The following NACAD variants were observed in gnomAD, a reference collection of about 807,000 sequenced individuals.
NACAD encodes NAC-alpha domain-containing protein 1.
Under a neutral mutation model 98.9 loss-of-function variants are expected in NACAD, and 47 were observed. The ratio of observed to expected loss-of-function variants is 0.48; its 90% CI spans 0.38 to 0.61. The LOEUF is 0.61. Ranked by LOEUF, NACAD falls within the 20% of genes least tolerant of loss-of-function variation. NACAD has a pLI of 0.00. For missense variants in NACAD, 1,412 were observed against 1,748.2 expected, an observed-to-expected ratio of 0.81 and a Z score of 3.43; for synonymous variants, 696 against 767.2, an observed-to-expected ratio of 0.91 and a Z score of 1.53.
In NACAD at chr7:45,081,377, T is replaced by C. The variant is rs1305812591; in HGVS notation, c.4258-114A>G. The C allele has an allele frequency of 2.1e-6, 3 of 1,425,438 alleles. No homozygotes were observed. The South Asian group carries it at 4.2e-5, about 20-fold the overall frequency. 88.3% of individuals were successfully genotyped at this position (1,425,438 alleles called of 1,614,324 possible). On this transcript the variant is annotated intron_variant, in intron 4 of 7. Transcript: ENST00000490531. ...TCCACCGCCAACTTCCCCAAGACCT[T>C]GGGCTGGTGGTTGGTCCTTCCCCAT...
In NACAD at chr7:45,082,217, C is replaced by T. The variant is rs1784442030; in HGVS notation, c.3963G>A (p.Gln1321=). The change falls in exon 2 of 8, where the codon CAG becomes CAA. Residue 1321 remains glutamine (Q), a synonymous_variant. Transcript: ENST00000490531. This position sits in a 1 kb window ranked among gnomAD's most constrained non-coding sequence, Gnocchi z 4.5. ...GAGGCACTTGGCAAGGCGGCAAGAT[C>T]TGCAAGGCCAGGTCTTTGGCATCCA... ...ASMDAKDLAL[Q]ILPPCQVPPP... 6.5e-7 allele frequency: 1 copy of T among 1,541,750 alleles called. No individual in the cohort carries two copies. Among genetic ancestry groups the T allele is most frequent in the Non-Finnish European group, 8.8e-7 (1 of 1,141,432 alleles).
rs756278797 is a variant in NACAD at position 45,080,930 on chromosome 7, G to T, written c.4497C>A (p.Pro1499=). 1.3e-6 allele frequency: 2 copies of T among 1,553,672 alleles called. No homozygotes were observed. Reference sequence around the variant, plus strand: ...TGCACTCCAGCCTCACCCGGGGCCTGGGTGCTGACTCAGGGACCAAGGCTG... The same window carrying T: ...TGCACTCCAGCCTCACCCGGGGCCTTGGTGCTGACTCAGGGACCAAGGCTG... The part of the protein sequence containing the change: ...EPSALVPESA[P]RPRVRLECKE... Residue 1499 remains proline (P), a synonymous_variant, in exon 6 of 8, where the codon CCC becomes CCA. Coordinates refer to ENST00000490531, the MANE Select transcript of NACAD (RefSeq NM_001146334.2).
chr7:45,080,878 C>A lies in NACAD; in HGVS notation c.4549G>T (p.Glu1517Ter). Residue 1517 changes from glutamate to a stop codon, truncating the protein, a stop_gained and splice_region_variant, in exon 6 of 8, where the codon GAG becomes TAG. Coordinates refer to ENST00000490531, the MANE Select transcript of NACAD (RefSeq NM_001146334.2). LOFTEE classifies it high-confidence loss of function. ...GCCCTGGAGCCCCTGCACTTCACCT[C>A]TTCCTCCTCCTCCTCTTCCTCTTCC... ...CKEEEEEEEE[E>*]VDEAGLELRD... The A allele has an allele frequency of 6.4e-7, 1 of 1,556,798 alleles. No homozygotes were observed.
rs1378171261 is a variant in NACAD at position 45,082,167 on chromosome 7, G to A, written c.4013C>T (p.Ala1338Val). ...GGGGGCTGAGAGCCCTTGAGGGCCA[G>A]CTGGGCTCTGGGGCCCAGAGGGAGG... Reference protein sequence around the residue: ...VPPPSGPQSPAGPQGLSAPEQ... With the variant: ...VPPPSGPQSPVGPQGLSAPEQ... Residue 1338 changes from alanine to valine, a missense_variant, in exon 2 of 8, where the codon GCT becomes GTT. Ala to Val is a moderately conservative substitution (Grantham distance 64). This residue lies in a region of NACAD where 572 missense variants were observed against 639.6 expected (regional missense o/e 0.89). Transcript: ENST00000490531. The surrounding 1 kb of genome is among the most constrained non-coding windows in gnomAD (Gnocchi z 4.5). 1 of 1,508,622 alleles carries A rather than the reference G, an allele frequency of 6.6e-7. No homozygotes were observed. Among genetic ancestry groups the A allele is most frequent in the Non-Finnish European group, 8.9e-7 (1 of 1,126,230 alleles). The allele number at this position is 1,508,622 out of a possible 1,614,324, so 93.5% of individuals were successfully genotyped here.
chr7:45,086,542 A>G, intron 1 of NACAD, among the ~76,000 whole-genome samples: 1 of 152,180 alleles, frequency 6.6e-6, no homozygotes, highest in East Asian at 1.9e-4. Context: ...TGACCTCCCA[A>G]TAGATGCGCC....
rs528568580 is a variant in NACAD, at chr7:45,086,141, C to G, written c.68-29G>C. ...TGGAGATAGAGAAGATCATGAGGTG[C>G]CCCTGGATGCATCTCCCAGGCAAGG... is the stretch of plus-strand genomic sequence containing the variant. On this transcript the variant is annotated intron_variant, in intron 1 of 7. Transcript: ENST00000490531. The G allele has an allele frequency of 3.9e-6, 6 of 1,529,296 alleles. No individual in the cohort carries two copies. In the South Asian group the frequency reaches 7.2e-5, roughly 18 times the overall value. The allele number at this position is 1,529,296 out of a possible 1,614,324, so 94.7% of individuals were successfully genotyped here. A position where few individuals can be genotyped will look rare whatever the true frequency, so the allele number is the denominator to read the frequency against.
At chr7:45,086,534 A>G (rs1472188649) in intron 1 of NACAD, among the ~76,000 whole-genome samples, 1 of 152,010 alleles carries the variant, frequency 6.6e-6, no homozygotes, top group Non-Finnish European at 1.5e-5. Context: ...CCATCCCATG[A>G]CCTCCCAATA....
intron 1 of NACAD, 61 bp from the exon 2 acceptor site, chr7:45,086,173 C>A: frequency 2.7e-6 from 4 of 1,498,580 alleles, no homozygotes; most frequent in Admixed American, 2.1e-5. Flanking sequence ...AAGGGCCAGG[C>A]CCGGGGAGAT....
At chr7:45,081,285 G>T (rs1426661817) in intron 4 of NACAD, 22 bp from the exon 5 acceptor site, 2 of 1,549,880 alleles carry the variant, frequency 1.3e-6, no homozygotes, top group Non-Finnish European at 1.7e-6. Flanking sequence ...GGGCAGAGGG[G>T]GGCTCAGACC....
In NACAD at chr7:45,088,910, C is replaced by T; in HGVS notation, c.-16G>A. ...CCCCAGGCATGGCCTGGCCGTGCGC[C>T]CGCCCGTCCCTCAGTCCTTCCGACC... On this transcript the variant is annotated 5_prime_UTR_variant, in exon 1 of 8. Transcript: ENST00000490531. The surrounding 1 kb of genome is among the most constrained non-coding windows in gnomAD (Gnocchi z 5.7). The T allele has an allele frequency of 2.1e-6, 3 of 1,403,616 alleles. No homozygotes were observed. The highest frequency in any genetic ancestry group is 2.8e-6 in the Non-Finnish European group (3 of 1,079,070). The allele number at this position is 1,403,616 out of a possible 1,614,324, so 86.9% of individuals were successfully genotyped here. A position where few individuals can be genotyped will look rare whatever the true frequency, so the allele number is the denominator to read the frequency against.
At position 45,085,681 on chromosome 7, in the gene NACAD, G is replaced by A; in HGVS notation, c.499C>T (p.Pro167Ser). Residue 167 changes from proline (P) to serine (S), a missense_variant, in exon 2 of 8, where the codon CCC becomes TCC. Physicochemically the swap from Pro to Ser is moderately conservative, Grantham distance 74. Around this residue, in one of 5 missense-constraint regions of NACAD, gnomAD observed 638 missense variants for 722.7 expected, o/e 0.88. Coordinates refer to ENST00000490531, the MANE Select transcript of NACAD (RefSeq NM_001146334.2). This position sits in a 1 kb window ranked among gnomAD's most constrained non-coding sequence, Gnocchi z 6.1. Reference protein sequence around the residue: ...SQGDLSVPSPPPDPDSFFTPP... With the variant: ...SQGDLSVPSPSPDPDSFFTPP... ...GTGAAGAAGGAATCAGGGTCTGGGG[G>A]AGGGGAAGGCACAGAAAGATCACCC... 6.5e-7 allele frequency: 1 copy of A among 1,549,562 alleles called. No individual in the cohort carries two copies. Among genetic ancestry groups the A allele is most frequent in the South Asian group, 1.2e-5 (1 of 83,896 alleles).
chr7:45,085,698 A>G lies in NACAD; in HGVS notation c.482T>C (p.Leu161Pro). 1 of 1,549,872 alleles carries G rather than the reference A, an allele frequency of 6.5e-7. No homozygotes were observed. The highest frequency in any genetic ancestry group is 1.2e-5 in the South Asian group (1 of 83,954). ...PPPELCSQGD[L>P]SVPSPPPDPD... ...GTCTGGGGGAGGGGAAGGCACAGAA[A>G]GATCACCCTGAGAACACAGCTCGGG... Residue 161 changes from leucine (L) to proline (P), a missense_variant, in exon 2 of 8, where the codon CTT (leucine) becomes CCT (proline). Leu to Pro is a moderately conservative substitution (Grantham distance 98). Around this residue, in one of 5 missense-constraint regions of NACAD, gnomAD observed 638 missense variants for 722.7 expected, o/e 0.88. Coordinates refer to ENST00000490531, the MANE Select transcript of NACAD (RefSeq NM_001146334.2). This position sits in a 1 kb window ranked among gnomAD's most constrained non-coding sequence, Gnocchi z 6.1.
Position 45,082,491 on chromosome 7 carries a change from G to A in NACAD, c.3689C>T (p.Ser1230Phe). 6.5e-7 allele frequency: 1 copy of A among 1,549,662 alleles called. No individual in the cohort carries two copies. Residue 1230 changes from serine (S) to phenylalanine (F), a missense_variant, in exon 2 of 8, where the codon TCT becomes TTT. Around this residue, in one of 5 missense-constraint regions of NACAD, gnomAD observed 572 missense variants for 639.6 expected, o/e 0.89. Coordinates refer to ENST00000490531, the MANE Select transcript of NACAD (RefSeq NM_001146334.2). This position sits in a 1 kb window ranked among gnomAD's most constrained non-coding sequence, Gnocchi z 4.5. ...TGCCCCAGCAAGGGTACCAGGAGCA[G>A]AAGGGTCAGGGCCCAGGGGCCTGTC... is the stretch of plus-strand genomic sequence containing the variant. ...PVDRPLGPDP[S>F]APGTLAGAAL...
chr7:45,086,147 G>T, intron 1 of NACAD, 35 bp from the exon 2 acceptor site: 1 of 1,528,202 alleles, frequency 6.5e-7, no homozygotes, highest in Non-Finnish European at 8.8e-7. Flanking sequence ...GGTGCCCCTG[G>T]ATGCATCTCC....
intron 1 of NACAD, among the ~76,000 whole-genome samples, chr7:45,087,864 G>A (rs1784544110): frequency 6.6e-6 from 1 of 152,190 alleles, no homozygotes; most frequent in African/African-American, 2.4e-5. Context: ...CCCCAGGGCA[G>A]GGGAACGGCT....
chr7:45,085,307 C>T lies in NACAD; in HGVS notation c.873G>A (p.Glu291=). 2 of 1,551,166 alleles carry T rather than the reference C, an allele frequency of 1.3e-6. No homozygotes were observed. Among genetic ancestry groups the T allele is most frequent in the Non-Finnish European group, 1.7e-6 (2 of 1,146,928 alleles). The change falls in exon 2 of 8, where the codon GAG becomes GAA. Residue 291 remains glutamate, a synonymous_variant. Coordinates refer to ENST00000490531, the MANE Select transcript of NACAD (RefSeq NM_001146334.2). This position sits in a 1 kb window ranked among gnomAD's most constrained non-coding sequence, Gnocchi z 6.1. The part of the protein sequence containing the change: ...SADSSSSWGQ[E]GHFFDLDFLA... The stretch of plus-strand genomic sequence containing the variant: ...GGAAGTCCAGGTCGAAGAAGTGGCC[C>T]TCCTGGCCCCAGGAGGAGCTGCTGT...
At position 45,088,732 on chromosome 7, in the gene NACAD, G is replaced by C; in HGVS notation, c.67+96C>G. ...GGAGGGGACTCGAGGGGGGCCAGGG[G>C]GATGGGGGAGAGGGGTGAAAGGTGA... On this transcript the variant is annotated intron_variant, in intron 1 of 7. Transcript: ENST00000490531. The surrounding 1 kb of genome is among the most constrained non-coding windows in gnomAD (Gnocchi z 5.7). 2.8e-6 allele frequency: 3 copies of C among 1,066,402 alleles called. No homozygotes were observed. The highest frequency in any genetic ancestry group is 3.8e-6 in the Non-Finnish European group (3 of 792,278). 66.1% of individuals were successfully genotyped at this position (1,066,402 alleles called of 1,614,324 possible). A position where few individuals can be genotyped will look rare whatever the true frequency, so the allele number is the denominator to read the frequency against.
chr7:45,081,844 C>T lies in NACAD; in HGVS notation c.4096G>A (p.Gly1366Ser). 1 of 1,547,848 alleles carries T rather than the reference C, an allele frequency of 6.5e-7. No individual in the cohort carries two copies. The highest frequency in any genetic ancestry group is 8.7e-7 in the Non-Finnish European group (1 of 1,146,954). Residue 1366 changes from glycine to serine, a missense_variant, in exon 3 of 8, where the codon GGC (glycine) becomes AGC (serine). Physicochemically the swap from Gly to Ser is moderately conservative, Grantham distance 56. Around this residue, in one of 5 missense-constraint regions of NACAD, gnomAD observed 572 missense variants for 639.6 expected, o/e 0.89. Coordinates refer to ENST00000490531, the MANE Select transcript of NACAD (RefSeq NM_001146334.2). Reference protein sequence around the residue: ...EEDSPRALGSGQHSDSHGESS... With the variant: ...EEDSPRALGSSQHSDSHGESS... ...TCCCCGTGGCTATCCGAATGCTGGC[C>T]CGAGCCCAGGGCCCGAGGCGAGTCT...
intron 1 of NACAD, among the ~76,000 whole-genome samples, chr7:45,087,694 G>A (rs1408837844): frequency 6.6e-6 from 1 of 152,242 alleles, no homozygotes; most frequent in East Asian, 1.9e-4. Flanking sequence ...GTCACCCAAG[G>A]GCTTTGCTGC....
Sources: gnomAD v4.1 joint callset for allele counts (sites outside exome capture counted in the v4.1 genomes callset) on GRCh38, gnomAD v4.1.1 for gene constraint, gnomAD v4.1.1 regional missense constraint, Gnocchi (gnomAD v3.1) non-coding constraint, MANE v1.5 for transcripts, NCBI Gene and HGNC (gene_info 2026-07-23, HGNC 2026-07-21) for gene names.